Variants in MCC observed in about 807,000 individuals in gnomAD.
MCC encodes the protein MCC regulator of Wnt signaling pathway, also known as colorectal mutant cancer protein.
In MCC, 90 loss-of-function variants were observed where a neutral mutation model predicts 116.2. The observed-to-expected ratio is 0.77, with a 90% CI of 0.65 to 0.92. The LOEUF is 0.92. MCC is among the 40% of genes least tolerant of loss of function. The probability of loss-of-function intolerance (pLI) is 0.00; values close to 1 mark genes in which losing one functional copy is unlikely to be tolerated. For missense variants in MCC, 1,516 were observed against 1,312.2 expected (o/e 1.16, Z -2.40); for synonymous variants, 578 against 510.5 (o/e 1.13, Z -1.78).
intron 3 of MCC, among the ~76,000 whole-genome samples, chr5:113,263,652 T>TA (rs1765296724): frequency 6.6e-6 from 1 of 152,162 alleles, no homozygotes; most frequent in South Asian, 2.1e-4. Context: ...CTCTGAAAAG[T>TA]AAAAGCTATA....
chr5:113,434,759 T>A lies in MCC; in HGVS notation c.171-49547A>T. 6.2e-7 allele frequency: 1 copy of A among 1,613,930 alleles called. No individual in the cohort carries two copies. The highest frequency in any genetic ancestry group is 8.5e-7 in the Non-Finnish European group (1 of 1,179,910). The stretch of plus-strand genomic sequence containing the variant: ...ACTTCAGGCGCTCAGAGTAAGCAGA[T>A]TTTACTTTTGCATAGGAGCCCTCTC... On this transcript the variant is annotated intron_variant, in intron 1 of 18. Coordinates refer to ENST00000408903, the MANE Select transcript of MCC (RefSeq NM_001085377.2). The surrounding 1 kb of genome is among the most constrained non-coding windows in gnomAD (Gnocchi z 4.2).
At chr5:113,036,264 C>T (rs1751327290) in intron 17 of MCC, among the ~76,000 whole-genome samples, 1 of 152,024 alleles carries the variant, frequency 6.6e-6, no homozygotes, top group East Asian at 1.9e-4. Context: ...TCTTGAATTC[C>T]TAATTTCAGG....
intron 3 of MCC, among the ~76,000 whole-genome samples, chr5:113,219,266 G>A (rs139570909): frequency 6.6e-6 from 1 of 152,318 alleles, no homozygotes; most frequent in Non-Finnish European, 1.5e-5. Flanking sequence ...TTGTTTGGGA[G>A]GTGCCGTGCA....
At chr5:113,431,694 AGTTTAAAAGC>A in intron 1 of MCC, among the ~76,000 whole-genome samples, 1 of 140,628 alleles carries the variant, frequency 7.1e-6, no homozygotes, top group African/African-American at 2.6e-5. Context: ...TTGAGGCTGT[AGTTTAAAAGC>A]TAACAGTGTG....
rs761119723 is a variant in MCC, at chr5:113,122,743, T to C, written c.968A>G (p.Gln323Arg). 1.1e-5 allele frequency: 17 copies of C among 1,614,210 alleles called. No individual in the cohort carries two copies. The South Asian group carries it at 1.6e-4, about 16-fold the overall frequency. ...EVNEDSRSMD[Q>R]DQTSVSIPEN... ...GGGGATAGAGACAGAGGTCTGGTCTTGGTCCATGCTTCGAGAGTCCTCGTT... is the reference window on the plus strand; with the variant it reads ...GGGGATAGAGACAGAGGTCTGGTCTCGGTCCATGCTTCGAGAGTCCTCGTT... Residue 323 changes from glutamine (Q) to arginine (R), a missense_variant, in exon 6 of 19, where the codon CAA becomes CGA. By Grantham distance (43) the Gln-to-Arg change is conservative. Coordinates refer to ENST00000408903, the MANE Select transcript of MCC (RefSeq NM_001085377.2).
At chr5:113,287,234 A>G (rs1488160231) in intron 3 of MCC, among the ~76,000 whole-genome samples, 1 of 146,502 alleles carries the variant, frequency 6.8e-6, no homozygotes, top group Non-Finnish European at 1.5e-5. Flanking sequence ...GCCAACACAA[A>G]CCCCTCCTCT....
At chr5:113,097,788 G>T (rs955798347) in intron 8 of MCC, among the ~76,000 whole-genome samples, 1 of 152,196 alleles carries the variant, frequency 6.6e-6, no homozygotes, top group Non-Finnish European at 1.5e-5. Flanking sequence ...CTCCCAGAGT[G>T]CTAGAAGTAT....
chr5:113,142,679 G>A (rs1373027588), intron 5 of MCC, among the ~76,000 whole-genome samples: 1 of 152,150 alleles, frequency 6.6e-6, no homozygotes, highest in African/African-American at 2.4e-5. Flanking sequence ...TCCAGTAAGA[G>A]GATAAATCCA....
At chr5:113,304,663 AT>A (rs1250878931) in intron 3 of MCC, among the ~76,000 whole-genome samples, 1 of 152,136 alleles carries the variant, frequency 6.6e-6, no homozygotes, top group African/African-American at 2.4e-5. Flanking sequence ...TCTTTCAAAA[AT>A]TTTTGCTCAT....
intron 3 of MCC, among the ~76,000 whole-genome samples, chr5:113,253,164 C>A (rs1006628608): frequency 6.6e-6 from 1 of 152,182 alleles, no homozygotes; most frequent in Non-Finnish European, 1.5e-5. Flanking sequence ...GAGAAGTAAA[C>A]CACAGCAGAG....
intron 3 of MCC, among the ~76,000 whole-genome samples, chr5:113,159,531 G>A (rs1403617684): frequency 6.6e-6 from 1 of 152,178 alleles, no homozygotes; most frequent in East Asian, 1.9e-4. Context: ...TCCCTGTCCA[G>A]AGGCTACCTC....
At chr5:113,328,165 G>C (rs758091412) in intron 3 of MCC, among the ~76,000 whole-genome samples, 1 of 152,156 alleles carries the variant, frequency 6.6e-6, no homozygotes, top group African/African-American at 2.4e-5. Context: ...AGATTAGAAA[G>C]GAAGAGGTGG....
At chr5:113,325,836 C>A (rs989136561) in intron 3 of MCC, among the ~76,000 whole-genome samples, 1 of 152,106 alleles carries the variant, frequency 6.6e-6, no homozygotes, top group African/African-American at 2.4e-5. Flanking sequence ...TCTAATACAA[C>A]AGTTACCTTT....
chr5:113,210,731 G>C (rs1763104397), intron 3 of MCC, among the ~76,000 whole-genome samples: 1 of 152,182 alleles, frequency 6.6e-6, no homozygotes, highest in Admixed American at 6.5e-5. Flanking sequence ...AGTAAAGATA[G>C]AATTACATGA....
chr5:113,453,518 C>A (rs1225817688), intron 1 of MCC, among the ~76,000 whole-genome samples: 1 of 152,218 alleles, frequency 6.6e-6, no homozygotes, highest in Non-Finnish European at 1.5e-5. Flanking sequence ...TCCTCCACCT[C>A]CCTCAGCAAA....
chr5:113,024,844 CAAG>C lies in MCC; in HGVS notation c.*2455_*2457del, dbSNP rs781373486. 6 of 151,988 alleles carry C rather than the reference CAAG, an allele frequency of 3.9e-5. No homozygotes were observed. The highest frequency in any genetic ancestry group is 8.8e-5 in the Non-Finnish European group (6 of 67,990). 9.4% of individuals were successfully genotyped at this position (151,988 alleles called of 1,614,324 possible). On this transcript the variant is annotated 3_prime_UTR_variant, in exon 19 of 19. Transcript: ENST00000408903. The stretch of plus-strand genomic sequence containing the variant: ...TGTCTTGGGGAGTATTTGAAAAATA[CAAG>C]AAAAGGAAAAACTTTTATAGCTTTT...
chr5:113,145,177 C>CTCAGAGTG, intron 4 of MCC, among the ~76,000 whole-genome samples: 5 of 152,224 alleles, frequency 3.3e-5, no homozygotes, highest in Admixed American at 2.0e-4. Context: ...CAAACTCTTG[C>CTCAGAGTG]TGTTAGCCTC....
intron 7 of MCC, 95 bp downstream of exon 7, chr5:113,104,097 A>C: frequency 8.2e-7 from 1 of 1,221,804 alleles, no homozygotes; most frequent in Admixed American, 2.4e-5. Context: ...ATTCATCCCT[A>C]GTAAGTATTT....
At chr5:113,046,649 C>A (rs187323452) in intron 16 of MCC, among the ~76,000 whole-genome samples, 16 of 130,214 alleles carry the variant, frequency 1.2e-4, no homozygotes, top group African/African-American at 4.7e-4. Context: ...AACACTAGCG[C>A]TCTGTCTCTA....
Sources: gnomAD v4.1 joint callset for allele counts (sites outside exome capture counted in the v4.1 genomes callset) on GRCh38, gnomAD v4.1.1 for gene constraint, Gnocchi (gnomAD v3.1) non-coding constraint, MANE v1.5 for transcripts, NCBI Gene and HGNC (gene_info 2026-07-23, HGNC 2026-07-21) for gene names.